Variants in CTNNAL1 observed in about 807,000 individuals in gnomAD.
The protein encoded by CTNNAL1 is catenin alpha like 1, also known as alpha-catulin.
In CTNNAL1, 69 loss-of-function variants were observed where a neutral mutation model predicts 93.6. The ratio of observed to expected loss-of-function variants is 0.74; its 90% CI spans 0.61 to 0.90. The LOEUF (loss-of-function observed/expected upper bound fraction) is 0.90, where lower values mean the gene tolerates loss of function less well. CTNNAL1 is among the 40% of genes least tolerant of loss of function. The pLI is 0.00. For missense variants in CTNNAL1, 836 were observed against 862.0 expected (o/e 0.97, Z 0.38); for synonymous variants, 286 against 305.4 (o/e 0.94, Z 0.66).
intron 14 of CTNNAL1, among the ~76,000 whole-genome samples, chr9:108,949,704 C>T (rs1421762565): frequency 6.6e-6 from 1 of 151,932 alleles, no homozygotes; most frequent in African/African-American, 2.4e-5. Context: ...ATTAGCCGGG[C>T]GTGGTGGCAC....
At chr9:108,976,787 C>A (rs772433833) in intron 8 of CTNNAL1, among the ~76,000 whole-genome samples, 175 bp downstream of exon 8, 4 of 152,192 alleles carry the variant, frequency 2.6e-5, no homozygotes, top group Non-Finnish European at 5.9e-5. Context: ...CCACCTTGGC[C>A]TCCCCACAGT....
In CTNNAL1 at chr9:108,990,826, C is replaced by T. The variant is rs1332928486; in HGVS notation, c.539G>A (p.Arg180Lys). 4 of 1,613,084 alleles carry T rather than the reference C, an allele frequency of 2.5e-6. No individual in the cohort carries two copies. In the Admixed American group the frequency reaches 5.0e-5, roughly 20 times the overall value. The change falls in exon 4 of 19, where the codon AGA (arginine) becomes AAA (lysine). Residue 180 changes from arginine (R) to lysine (K), a missense_variant. By Grantham distance (26) the Arg-to-Lys change is conservative (BLOSUM62 2). Transcript: ENST00000325551. ...SRNKVLATME[R>K]LEKVNSFQEF... Reference sequence around the variant, plus strand: ...TTGAAAGCTATTCACTTTCTCTAGTCTTTCCATAGTTGCGAGAACCTGCAA... The same window carrying T: ...TTGAAAGCTATTCACTTTCTCTAGTTTTTCCATAGTTGCGAGAACCTGCAA...
intron 2 of CTNNAL1, among the ~76,000 whole-genome samples, chr9:108,998,314 T>A (rs1203014321): frequency 2.6e-5 from 4 of 151,640 alleles, no homozygotes; most frequent in Non-Finnish European, 5.9e-5. Flanking sequence ...ACCCAAGATG[T>A]CAGTAGCACC....
At chr9:108,991,983 G>T (rs931525532) in intron 3 of CTNNAL1, 19 of 723,534 alleles carry the variant, frequency 2.6e-5, no homozygotes, top group Admixed American at 4.0e-5. Context: ...AACATTTAGG[G>T]ACTCTGAGTA....
At chr9:108,951,004 CTATT>C (rs923865286) in intron 14 of CTNNAL1, among the ~76,000 whole-genome samples, 5 of 151,566 alleles carry the variant, frequency 3.3e-5, no homozygotes, top group African/African-American at 7.3e-5. Context: ...ATAGGGGGTG[CTATT>C]TATTTATTTA....
At chr9:108,983,857 T>C (rs1316692020) in intron 5 of CTNNAL1, among the ~76,000 whole-genome samples, 2 of 152,252 alleles carry the variant, frequency 1.3e-5, no homozygotes, top group Non-Finnish European at 2.9e-5. Flanking sequence ...TACTCATTCA[T>C]TCTAGAATTG....
At chr9:108,981,251 A>G (rs1831419284) in intron 6 of CTNNAL1, among the ~76,000 whole-genome samples, 1 of 152,210 alleles carries the variant, frequency 6.6e-6, no homozygotes, top group Admixed American at 6.5e-5. Flanking sequence ...ATAAAAAGGG[A>G]AGATTAGAAA....
rs370553203 is a variant in CTNNAL1, at chr9:108,948,170, C to T, written c.1884+16G>A. On this transcript the variant is annotated intron_variant, in intron 15 of 18. Transcript: ENST00000325551. The stretch of plus-strand genomic sequence containing the variant: ...CCGAAATTAAAGTACTAGCATAAAA[C>T]GGAAACAAGGCATACCTCTAGTTGA... 14 of 1,609,126 alleles carry T rather than the reference C, an allele frequency of 8.7e-6. No homozygotes were observed. In the African/African-American group the frequency reaches 9.4e-5, roughly 11 times the overall value.
chr9:108,990,796 A>G lies in CTNNAL1; in HGVS notation c.569T>C (p.Phe190Ser). 1 of 1,613,732 alleles carries G rather than the reference A, an allele frequency of 6.2e-7. No individual in the cohort carries two copies. The highest frequency in any genetic ancestry group is 8.5e-7 in the Non-Finnish European group (1 of 1,179,884). The change falls in exon 4 of 19, where the codon TTT becomes TCT. Residue 190 changes from phenylalanine to serine, a missense_variant. Physicochemically the swap from Phe to Ser is radical, Grantham distance 155. Coordinates refer to ENST00000325551, the MANE Select transcript of CTNNAL1 (RefSeq NM_003798.4). ...RLEKVNSFQE[F>S]VQIFSQFGNE... Reference sequence around the variant, plus strand: ...TCCAAATTGACTGAATATTTGGACAAACTCTTGAAAGCTATTCACTTTCTC... The same window carrying G: ...TCCAAATTGACTGAATATTTGGACAGACTCTTGAAAGCTATTCACTTTCTC...
intron 8 of CTNNAL1, among the ~76,000 whole-genome samples, chr9:108,974,909 G>A (rs1360924470): frequency 6.6e-6 from 1 of 152,088 alleles, no homozygotes; most frequent in Admixed American, 6.6e-5. Flanking sequence ...CCTGGGTGCA[G>A]TGGCTCACTT....
chr9:109,000,200 A>T (rs984890792), intron 1 of CTNNAL1, among the ~76,000 whole-genome samples: 1 of 152,200 alleles, frequency 6.6e-6, no homozygotes, highest in African/African-American at 2.4e-5. Flanking sequence ...GAAATTTAAT[A>T]TCTAAATTTC....
intron 10 of CTNNAL1, 94 bp downstream of exon 10, chr9:108,970,308 G>T: frequency 9.0e-7 from 1 of 1,107,208 alleles, no homozygotes; most frequent in South Asian, 2.3e-5. Context: ...TTGGACTCTA[G>T]TTATGAAAAA....
chr9:108,988,154 G>A (rs1317145962), intron 4 of CTNNAL1, among the ~76,000 whole-genome samples: 2 of 152,196 alleles, frequency 1.3e-5, no homozygotes, highest in Non-Finnish European at 2.9e-5. Context: ...CGTGATCTCA[G>A]CTCACTGCAG....
chr9:108,997,680 C>G (rs189339627), intron 2 of CTNNAL1, among the ~76,000 whole-genome samples: 1 of 152,252 alleles, frequency 6.6e-6, no homozygotes, highest in East Asian at 1.9e-4. Context: ...TAGATGGCAC[C>G]ACCATTTGCC....
chr9:108,987,639 T>C (rs1455217622), intron 4 of CTNNAL1, among the ~76,000 whole-genome samples: 1 of 152,180 alleles, frequency 6.6e-6, no homozygotes, highest in South Asian at 2.1e-4. Context: ...ATTTTCAAGA[T>C]ATTGATTCTT....
intron 11 of CTNNAL1, among the ~76,000 whole-genome samples, chr9:108,964,877 T>TATTTATTTA (rs74457447): frequency 6.6e-6 from 1 of 151,450 alleles, no homozygotes; most frequent in African/African-American, 2.4e-5. Context: ...TTTATTTATT[T>TATTTATTTA]TTTGAGACAG....
At chr9:108,992,058 T>C (rs1587979942) in intron 3 of CTNNAL1, 3 of 768,590 alleles carry the variant, frequency 3.9e-6, no homozygotes, top group Non-Finnish European at 2.4e-6. Context: ...AAGTTATATA[T>C]TGTTAGTCTC....
intron 6 of CTNNAL1, among the ~76,000 whole-genome samples, chr9:108,982,254 C>A (rs1831454084): frequency 6.6e-6 from 1 of 152,144 alleles, no homozygotes; most frequent in South Asian, 2.1e-4. Context: ...GTTTCTCAAG[C>A]TCCTCAACAG....
chr9:108,960,670 G>A (rs1287653099), intron 11 of CTNNAL1, among the ~76,000 whole-genome samples: 2 of 152,094 alleles, frequency 1.3e-5, no homozygotes, highest in Non-Finnish European at 2.9e-5. Flanking sequence ...TAGAACAAAG[G>A]GAATTCAGCT....
Sources: allele counts gnomAD v4.1 joint callset (sites outside exome capture counted in the v4.1 genomes callset), GRCh38; gene constraint gnomAD v4.1.1; transcripts MANE v1.5; gene names NCBI Gene and HGNC (gene_info 2026-07-23, HGNC 2026-07-21).